NRG1: variants seen among roughly 807,000 people sequenced by gnomAD.
NRG1 encodes the protein neuregulin 1.
NRG1 carries 18 observed loss-of-function variants against 63.8 expected under a neutral mutation model. The observed-to-expected ratio is 0.28, with a 90% confidence interval of 0.19 to 0.42. The LOEUF (loss-of-function observed/expected upper bound fraction) is 0.42, where lower values mean the gene tolerates loss of function less well. Ranked by LOEUF, NRG1 falls within the 10% of genes least tolerant of loss-of-function variation. The probability of loss-of-function intolerance (pLI) is 1.00; values close to 1 mark genes in which losing one functional copy is unlikely to be tolerated. For missense variants in NRG1, 762 were observed against 814.7 expected (o/e 0.94, Z 0.79); for synonymous variants, 302 against 301.3 (o/e 1.00, Z -0.02).
At position 32,251,382 on chromosome 8, in the gene NRG1, C is replaced by A. The variant is rs1356223746; in HGVS notation, c.38-344446C>A. ...TTCATCCATGTCCCTGCAAAGGACACAAACTCAACCTTTTTTATGGTTGCG... is the reference window on the plus strand; with the variant it reads ...TTCATCCATGTCCCTGCAAAGGACAAAAACTCAACCTTTTTTATGGTTGCG... On this transcript the variant is annotated intron_variant, in intron 1 of 10. Coordinates refer to the NRG1 transcript ENST00000519301. 5.4e-5 allele frequency among the ~76,000 whole-genome samples: 5 copies of A among 93,334 alleles called. No homozygotes were observed. The East Asian group carries it at 1.2e-3, about 23-fold the overall frequency. The allele number at this position is 93,334 out of a possible 152,430, so 61.2% of individuals were successfully genotyped here. A position where few individuals can be genotyped will look rare whatever the true frequency, so the allele number is the denominator to read the frequency against.
At chr8:32,764,508 A>G in exon 12 of NRG1, 1 of 1,045,194 alleles carries the variant, frequency 9.6e-7, no homozygotes, top group South Asian at 2.5e-5. Context: ...CTGCAAATAG[A>G]AAACAGGAAA....
chr8:31,979,707 C>A (rs1254791261), intron 1 of NRG1, among the ~76,000 whole-genome samples: 1 of 152,018 alleles, frequency 6.6e-6, no homozygotes, highest in Non-Finnish European at 1.5e-5. Flanking sequence ...CCTCATATGC[C>A]TGTATTTCTG....
intron 1 of NRG1, among the ~76,000 whole-genome samples, chr8:32,230,784 T>C (rs1285602497): frequency 6.2e-5 from 1 of 16,028 alleles, no homozygotes; most frequent in East Asian, 6.8e-4. Context: ...GGGGTACATG[T>C]GAAATTTTGA....
At chr8:31,987,453 G>T (rs988211017) in intron 1 of NRG1, among the ~76,000 whole-genome samples, 1 of 151,010 alleles carries the variant, frequency 6.6e-6, no homozygotes, top group African/African-American at 2.4e-5. Flanking sequence ...CAACATGGAC[G>T]CAGCTGGAGG....
At chr8:32,564,165 G>A (rs566670851) in intron 1 of NRG1, among the ~76,000 whole-genome samples, 204 of 152,244 alleles carry the variant, frequency 1.3e-3, no homozygotes, top group African/African-American at 4.0e-3. Flanking sequence ...ATAATTAAGC[G>A]TTGGCTGATA....
intron 1 of NRG1, among the ~76,000 whole-genome samples, chr8:31,905,526 G>T (rs1415613150): frequency 6.6e-6 from 1 of 152,136 alleles, no homozygotes; most frequent in East Asian, 1.9e-4. Flanking sequence ...GTATGGTTCT[G>T]TTCTTAAGTT....
chr8:32,204,600 A>G (rs1299360575), intron 1 of NRG1, among the ~76,000 whole-genome samples: 5 of 152,238 alleles, frequency 3.3e-5, no homozygotes, highest in Admixed American at 2.6e-4. Flanking sequence ...TATGAGAAGT[A>G]AATGAGAAAT....
intron 1 of NRG1, among the ~76,000 whole-genome samples, chr8:32,416,368 C>A (rs1052366039): frequency 4.1e-5 from 6 of 147,360 alleles, no homozygotes; most frequent in Non-Finnish European, 9.0e-5. Context: ...CCTTTCACCT[C>A]CTTCCCTTCC....
At chr8:32,288,070 G>T (rs1485900868) in intron 1 of NRG1, among the ~76,000 whole-genome samples, 1 of 152,146 alleles carries the variant, frequency 6.6e-6, no homozygotes, top group Non-Finnish European at 1.5e-5. Context: ...AGAAAAAAGT[G>T]CATTGCCATT....
intron 1 of NRG1, among the ~76,000 whole-genome samples, chr8:31,887,238 GAT>G (rs988449887): frequency 6.6e-6 from 1 of 152,042 alleles, no homozygotes; most frequent in Non-Finnish European, 1.5e-5. Context: ...CAATTTGTGA[GAT>G]AGAATAGTAA....
At chr8:31,930,117 G>A (rs1834742299) in intron 1 of NRG1, among the ~76,000 whole-genome samples, 1 of 151,440 alleles carries the variant, frequency 6.6e-6, no homozygotes, top group Non-Finnish European at 1.5e-5. Flanking sequence ...TGGTGCCTGT[G>A]AACAGGATTC....
At chr8:32,318,548 A>T (rs1211345171) in intron 1 of NRG1, among the ~76,000 whole-genome samples, 3 of 152,092 alleles carry the variant, frequency 2.0e-5, no homozygotes, top group African/African-American at 7.2e-5. Context: ...CAGTGTCCTT[A>T]CCCCTGGTCC....
intron 1 of NRG1, among the ~76,000 whole-genome samples, chr8:32,416,698 T>G (rs1172071388): frequency 6.6e-6 from 1 of 152,146 alleles, no homozygotes; most frequent in Non-Finnish European, 1.5e-5. Flanking sequence ...TTGTTTTGTT[T>G]TGTTTTTGAG....
intron 1 of NRG1, among the ~76,000 whole-genome samples, chr8:32,465,144 TTCTG>T (rs1183145012): frequency 1.3e-5 from 2 of 152,020 alleles, no homozygotes; most frequent in African/African-American, 4.8e-5. Context: ...CAGAGTGAGA[TTCTG>T]TCTTAGAAAC....
Position 31,640,550 on chromosome 8 carries a change from G to T in NRG1, c.37+1119G>T. ...CTCACCGTGCGCCTGGGGACCTGGG[G>T]CCACCCCGCCTTCCCCTCCTGCGGG... On this transcript the variant is annotated intron_variant, in intron 1 of 10. Coordinates refer to the NRG1 transcript ENST00000519301. The surrounding 1 kb of genome is among the most constrained non-coding windows in gnomAD (Gnocchi z 6.3). The T allele has an allele frequency of 6.2e-7, 1 of 1,611,814 alleles. No individual in the cohort carries two copies. Among genetic ancestry groups the T allele is most frequent in the Non-Finnish European group, 8.5e-7 (1 of 1,179,432 alleles).
intron 1 of NRG1, among the ~76,000 whole-genome samples, chr8:31,828,201 G>A (rs1420541129): frequency 6.6e-6 from 1 of 152,080 alleles, no homozygotes; most frequent in Non-Finnish European, 1.5e-5. Context: ...TGTATTTATG[G>A]CATTATCTAC....
chr8:32,394,580 T>A (rs1812205952), intron 1 of NRG1, among the ~76,000 whole-genome samples: 1 of 152,152 alleles, frequency 6.6e-6, no homozygotes, highest in South Asian at 2.1e-4. Flanking sequence ...AATTTGGGGG[T>A]GTTTTCACAG....
chr8:32,600,038 G>A (rs1844045681), intron 2 of NRG1, among the ~76,000 whole-genome samples: 1 of 152,096 alleles, frequency 6.6e-6, no homozygotes, highest in South Asian at 2.1e-4. Flanking sequence ...AAATCTCAAT[G>A]TTCTTATGTA....
intron 1 of NRG1, among the ~76,000 whole-genome samples, chr8:32,032,618 A>T (rs1818439893): frequency 6.6e-6 from 1 of 152,030 alleles, no homozygotes; most frequent in Non-Finnish European, 1.5e-5. Context: ...CCACAATTGT[A>T]TTGTTAGTTT....
Sources: gnomAD v4.1 joint callset for allele counts (sites outside exome capture counted in the v4.1 genomes callset) on GRCh38, gnomAD v4.1.1 for gene constraint, Gnocchi (gnomAD v3.1) non-coding constraint, MANE v1.5 for transcripts, NCBI Gene and HGNC (gene_info 2026-07-23, HGNC 2026-07-21) for gene names.